The following RORB variants were observed in gnomAD, a reference collection of about 807,000 sequenced individuals.
RORB encodes the protein nuclear receptor ROR-beta.
Under a neutral mutation model 59.1 loss-of-function variants are expected in RORB, and 6 were observed. That is an observed-to-expected ratio of 0.10 (90% confidence interval 0.06 to 0.20). The LOEUF (loss-of-function observed/expected upper bound fraction) is 0.20. Ranked by LOEUF, RORB falls within the 10% of genes least tolerant of loss-of-function variation. RORB has a pLI of 1.00. For missense variants in RORB, 320 were observed against 560.5 expected, an observed-to-expected ratio of 0.57 and a Z score of 4.33; for synonymous variants, 215 against 204.5, an observed-to-expected ratio of 1.05 and a Z score of -0.44.
In RORB at chr9:74,520,295, TG is replaced by T. The variant is rs1238910076; in HGVS notation, c.7+22313del. Among the ~76,000 whole-genome samples, 4 of 152,080 alleles carry T rather than the reference TG, an allele frequency of 2.6e-5. No individual in the cohort carries two copies. The East Asian group carries it at 7.8e-4, about 30-fold the overall frequency. On this transcript the variant is annotated intron_variant, in intron 1 of 9. Coordinates refer to ENST00000376896, the MANE Select transcript of RORB (RefSeq NM_006914.4). ...TGCCACACAAATATAAAGTTGTTAATGTAAAGAGCCCATATTATATTTATGG... is the reference window on the plus strand; with the variant it reads ...TGCCACACAAATATAAAGTTGTTAATTAAAGAGCCCATATTATATTTATGG...
intron 1 of RORB, among the ~76,000 whole-genome samples, chr9:74,593,945 A>T (rs1357580966): frequency 6.6e-6 from 1 of 152,234 alleles, no homozygotes; most frequent in Admixed American, 6.5e-5. Flanking sequence ...CTTCACAAAA[A>T]GTTAACTCAT....
intron 1 of RORB, among the ~76,000 whole-genome samples, chr9:74,599,875 T>G (rs561170254): frequency 6.6e-6 from 1 of 152,256 alleles, no homozygotes; most frequent in African/African-American, 2.4e-5. Flanking sequence ...TTTCAGAAAT[T>G]CCAGTTATTT....
At chr9:74,618,025 A>G (rs1823341069) in intron 1 of RORB, among the ~76,000 whole-genome samples, 1 of 152,208 alleles carries the variant, frequency 6.6e-6, no homozygotes, top group Non-Finnish European at 1.5e-5. Context: ...AAATTATATA[A>G]CAACGTAATT....
intron 1 of RORB, among the ~76,000 whole-genome samples, chr9:74,509,041 A>G (rs1445313955): frequency 2.0e-5 from 3 of 151,972 alleles, no homozygotes; most frequent in African/African-American, 7.2e-5. Flanking sequence ...ATTGGCCCTT[A>G]AGATAAAACT....
chr9:74,523,059 T>C (rs764876665), intron 1 of RORB, among the ~76,000 whole-genome samples: 4 of 151,878 alleles, frequency 2.6e-5, no homozygotes, highest in Non-Finnish European at 5.9e-5. Context: ...CTGTTGATTC[T>C]CTCAAATTCC....
intron 1 of RORB, among the ~76,000 whole-genome samples, chr9:74,509,833 T>C (rs1018058881): frequency 6.6e-6 from 1 of 152,110 alleles, no homozygotes; most frequent in African/African-American, 2.4e-5. Context: ...GAAGGTGCCA[T>C]GTCTAATCAT....
intron 4 of RORB, among the ~76,000 whole-genome samples, chr9:74,647,748 C>T (rs1823923831): frequency 6.6e-6 from 1 of 152,156 alleles, no homozygotes; most frequent in South Asian, 2.1e-4. Context: ...TAAAAGCGAT[C>T]TAGTCCCTGT....
chr9:74,612,860 A>G (rs1388948282), intron 1 of RORB, among the ~76,000 whole-genome samples: 1 of 152,212 alleles, frequency 6.6e-6, no homozygotes, highest in Admixed American at 6.5e-5. Flanking sequence ...GACAAAAAAA[A>G]AGAAGTTCTT....
chr9:74,669,324 C>T (rs1270442246), intron 8 of RORB, among the ~76,000 whole-genome samples: 1 of 151,956 alleles, frequency 6.6e-6, no homozygotes, highest in Non-Finnish European at 1.5e-5. Context: ...ACCAAAAATA[C>T]AAAAACTAGC....
chr9:74,651,985 TAAAG>T (rs1436012095), intron 4 of RORB, among the ~76,000 whole-genome samples: 4 of 152,232 alleles, frequency 2.6e-5, no homozygotes, highest in Non-Finnish European at 5.9e-5. Context: ...TGTTGTTAAA[TAAAG>T]AAAGCACCCT....
intron 1 of RORB, among the ~76,000 whole-genome samples, chr9:74,594,448 T>A (rs1822943632): frequency 6.6e-6 from 1 of 152,152 alleles, no homozygotes; most frequent in Non-Finnish European, 1.5e-5. Flanking sequence ...TATTCAAAAC[T>A]GGGGCTATCT....
chr9:74,586,840 A>C (rs1350372347), intron 1 of RORB, among the ~76,000 whole-genome samples: 3 of 152,120 alleles, frequency 2.0e-5, no homozygotes, highest in Non-Finnish European at 2.9e-5. Flanking sequence ...GAAAGTTTTT[A>C]ACTTTAGTTT....
At chr9:74,539,900 CAG>C (rs1269463918) in intron 1 of RORB, among the ~76,000 whole-genome samples, 3 of 144,270 alleles carry the variant, frequency 2.1e-5, no homozygotes, top group Admixed American at 1.4e-4. Flanking sequence ...TCCAAAGAAA[CAG>C]AGTAATTTTG....
intron 1 of RORB, among the ~76,000 whole-genome samples, chr9:74,533,514 T>C (rs1039641789): frequency 3.3e-5 from 5 of 152,088 alleles, no homozygotes; most frequent in Non-Finnish European, 7.4e-5. Context: ...TTCATCACAA[T>C]GTGGTTCTCC....
chr9:74,608,086 T>C (rs549100215), intron 1 of RORB, among the ~76,000 whole-genome samples: 1 of 152,248 alleles, frequency 6.6e-6, no homozygotes, highest in Admixed American at 6.5e-5. Flanking sequence ...TGAAGTAAGG[T>C]TCTTAACTCA....
chr9:74,580,010 T>G (rs1822697273), intron 1 of RORB, among the ~76,000 whole-genome samples: 1 of 152,242 alleles, frequency 6.6e-6, no homozygotes, highest in Admixed American at 6.5e-5. Context: ...ATAATTGTTC[T>G]ATTTTATTAT....
intron 1 of RORB, among the ~76,000 whole-genome samples, chr9:74,563,230 G>A (rs1342409925): frequency 1.4e-5 from 2 of 146,096 alleles, no homozygotes; most frequent in African/African-American, 5.2e-5. Context: ...CTGTCGCCCA[G>A]GCTGGAGTGC....
chr9:74,584,861 T>C (rs1822775031), intron 1 of RORB, among the ~76,000 whole-genome samples: 1 of 152,226 alleles, frequency 6.6e-6, no homozygotes, highest in South Asian at 2.1e-4. Context: ...TAGCCAGTTA[T>C]GCTAATGAAA....
intron 3 of RORB, 30 bp from the exon 4 acceptor site, chr9:74,642,384 T>A (rs780470696): frequency 9.5e-6 from 15 of 1,577,620 alleles, no homozygotes; most frequent in Non-Finnish European, 1.3e-5. Flanking sequence ...TAACCACAAG[T>A]GCTGTTTTCT....
Sources: gnomAD v4.1 joint callset for allele counts (sites outside exome capture counted in the v4.1 genomes callset) on GRCh38, gnomAD v4.1.1 for gene constraint, MANE v1.5 for transcripts, NCBI Gene and HGNC (gene_info 2026-07-23, HGNC 2026-07-21) for gene names.